Variants in UGT1A10 observed in about 807,000 individuals in gnomAD.
UGT1A10 encodes the protein UDP glucuronosyltransferase family 1 member A10, also known as UDP-glucuronosyltransferase 1A10.
UGT1A10 carries 49 observed loss-of-function variants against 45.8 expected under a neutral mutation model. The ratio of observed to expected loss-of-function variants is 1.07; its 90% CI spans 0.85 to 1.36. The LOEUF (loss-of-function observed/expected upper bound fraction) is 1.36, where lower values mean the gene tolerates loss of function less well. Among genes scored for constraint, UGT1A10 ranks in the 40% most tolerant of loss-of-function variants. The pLI is 0.00. For missense variants in UGT1A10, 745 were observed against 668.6 expected, an observed-to-expected ratio of 1.11 and a Z score of -1.26; for synonymous variants, 284 against 249.7, an observed-to-expected ratio of 1.14 and a Z score of -1.29.
At chr2:233,680,092 G>A (rs2074474623) in intron 1 of UGT1A10, among the ~76,000 whole-genome samples, 1 of 151,682 alleles carries the variant, frequency 6.6e-6, no homozygotes, top group Non-Finnish European at 1.5e-5. Context: ...GAAATGGCAG[G>A]CAATCATAGC....
At chr2:233,696,873 C>A (rs993552389) in intron 1 of UGT1A10, among the ~76,000 whole-genome samples, 1 of 152,154 alleles carries the variant, frequency 6.6e-6, no homozygotes, top group African/African-American at 2.4e-5. Flanking sequence ...TCAGCATCTA[C>A]AACATATGAG....
chr2:233,744,046 C>G, intron 1 of UGT1A10: 1 of 729,302 alleles, frequency 1.4e-6, no homozygotes, highest in Non-Finnish European at 1.9e-6. Flanking sequence ...GCAGCCACAT[C>G]TCATTGGTCG....
intron 1 of UGT1A10, among the ~76,000 whole-genome samples, chr2:233,711,719 T>C (rs1470924587): frequency 6.6e-6 from 1 of 152,192 alleles, no homozygotes. Flanking sequence ...AAGCCTCAGC[T>C]TCACCAGCAA....
At chr2:233,737,917 T>TG (rs1690633729) in intron 1 of UGT1A10, among the ~76,000 whole-genome samples, 4 of 152,026 alleles carry the variant, frequency 2.6e-5, no homozygotes, top group African/African-American at 4.8e-5. Flanking sequence ...AACAGGCTAG[T>TG]GTATTTAGTA....
chr2:233,711,449 G>C (rs1157119191), intron 1 of UGT1A10, among the ~76,000 whole-genome samples: 1 of 152,222 alleles, frequency 6.6e-6, no homozygotes, highest in Admixed American at 6.5e-5. Flanking sequence ...TTTTAAGGGG[G>C]TTGGAGGAAT....
At chr2:233,701,840 A>G (rs1343611147) in intron 1 of UGT1A10, among the ~76,000 whole-genome samples, 2 of 152,200 alleles carry the variant, frequency 1.3e-5, no homozygotes, top group African/African-American at 4.8e-5. Context: ...GACACATTCA[A>G]AGCAGTGTGT....
chr2:233,690,865 C>T (rs2075019127), intron 1 of UGT1A10: 1 of 1,062,876 alleles, frequency 9.4e-7, no homozygotes. Flanking sequence ...TCTTAATTTG[C>T]AAGAAGGTGT....
intron 1 of UGT1A10, chr2:233,693,062 C>T: frequency 6.2e-7 from 1 of 1,614,140 alleles, no homozygotes; most frequent in Non-Finnish European, 8.5e-7. Flanking sequence ...CTTCTTAGCA[C>T]TTTGGGGCAT....
intron 1 of UGT1A10, chr2:233,682,658 G>T (rs2074589486): frequency 9.9e-6 from 16 of 1,613,826 alleles, no homozygotes; most frequent in Non-Finnish European, 1.3e-5. Context: ...CCCTGTCACG[G>T]CATATGATCT....
At chr2:233,655,613 C>T (rs1289466382) in intron 1 of UGT1A10, among the ~76,000 whole-genome samples, 1 of 152,050 alleles carries the variant, frequency 6.6e-6, no homozygotes. Context: ...TAGTGTGTTT[C>T]GCCAAAAGAG....
intron 1 of UGT1A10, among the ~76,000 whole-genome samples, chr2:233,745,719 G>A (rs946550839): frequency 2.7e-5 from 4 of 150,636 alleles, no homozygotes; most frequent in African/African-American, 5.0e-5. Flanking sequence ...CAGAATGGCT[G>A]GAGGGTAAGA....
At chr2:233,761,629 C>A (rs1415462603) in intron 1 of UGT1A10, among the ~76,000 whole-genome samples, 1 of 152,252 alleles carries the variant, frequency 6.6e-6, no homozygotes, top group Admixed American at 6.5e-5. Flanking sequence ...GAAGCTAAAT[C>A]CTGCAGTCCG....
At chr2:233,696,854 A>G (rs1038185212) in intron 1 of UGT1A10, among the ~76,000 whole-genome samples, 3 of 152,116 alleles carry the variant, frequency 2.0e-5, no homozygotes, top group East Asian at 1.9e-4. Flanking sequence ...AATTTTGTTG[A>G]ATGTTTTTTC....
intron 1 of UGT1A10, among the ~76,000 whole-genome samples, chr2:233,730,227 G>T (rs1389808961): frequency 2.0e-5 from 3 of 152,112 alleles, no homozygotes; most frequent in East Asian, 3.9e-4. Context: ...TTTGTAAAAG[G>T]ATGGACAAGG....
chr2:233,725,694 T>C (rs903551237), intron 1 of UGT1A10, among the ~76,000 whole-genome samples: 1 of 152,238 alleles, frequency 6.6e-6, no homozygotes, highest in African/African-American at 2.4e-5. Context: ...TCAATAGTCA[T>C]ATGTAGTTAG....
rs561829360 is a variant in UGT1A10, at chr2:233,716,811, T to C, written c.856-50223T>C. On this transcript the variant is annotated intron_variant, in intron 1 of 4. Coordinates refer to ENST00000344644, the MANE Select transcript of UGT1A10 (RefSeq NM_019075.4). ...GCCTTTTTCTGTCTCTGGACGTTGC[T>C]GGGGTGACCTCACTGACACCCATGG... 6.6e-5 allele frequency among the ~76,000 whole-genome samples: 10 copies of C among 152,310 alleles called. No homozygotes were observed. The East Asian group carries it at 9.6e-4, about 15-fold the overall frequency.
chr2:233,671,793 A>T, intron 1 of UGT1A10: 2 of 1,410,022 alleles, frequency 1.4e-6, no homozygotes, highest in Non-Finnish European at 1.9e-6. Context: ...TGGGTAAATC[A>T]TTGTCAGTGA....
chr2:233,756,734 ACCT>A (rs1246183091), intron 1 of UGT1A10, among the ~76,000 whole-genome samples: 2 of 151,778 alleles, frequency 1.3e-5, no homozygotes, highest in African/African-American at 2.4e-5. Flanking sequence ...AGTTCTCTTC[ACCT>A]CCTCCTTATT....
intron 1 of UGT1A10, among the ~76,000 whole-genome samples, chr2:233,687,412 G>A (rs1423450705): frequency 6.6e-6 from 1 of 151,920 alleles, no homozygotes; most frequent in Non-Finnish European, 1.5e-5. Flanking sequence ...AACATATATT[G>A]GAGGCTTACC....
Sources: allele counts gnomAD v4.1 joint callset (sites outside exome capture counted in the v4.1 genomes callset), GRCh38; gene constraint gnomAD v4.1.1; transcripts MANE v1.5; gene names NCBI Gene and HGNC (gene_info 2026-07-23, HGNC 2026-07-21).